Variants in PALLD observed in about 807,000 individuals in gnomAD.
PALLD encodes palladin.
PALLD carries 61 observed loss-of-function variants against 123.5 expected under a neutral mutation model. The observed-to-expected ratio is 0.49, with a 90% CI of 0.40 to 0.61. The LOEUF is 0.61. PALLD is among the 20% of genes least tolerant of loss of function. The pLI is 0.00. For synonymous variants in PALLD, 465 were observed against 496.4 expected (o/e 0.94, Z 0.84); for missense variants, 1,273 against 1,377.0 (o/e 0.92, Z 1.20).
intron 10 of PALLD, among the ~76,000 whole-genome samples, chr4:168,759,954 T>A (rs1312460549): frequency 6.6e-6 from 1 of 151,322 alleles, no homozygotes; most frequent in Non-Finnish European, 1.5e-5. Context: ...CTGGGGAGGC[T>A]GAAGCATGAG....
At chr4:168,854,413 C>T (rs745820002) in intron 10 of PALLD, among the ~76,000 whole-genome samples, 2 of 152,156 alleles carry the variant, frequency 1.3e-5, no homozygotes, top group Non-Finnish European at 2.9e-5. Context: ...AGGAAAAATA[C>T]GTATTGACAA....
intron 10 of PALLD, among the ~76,000 whole-genome samples, chr4:168,845,473 A>G (rs974658246): frequency 2.6e-5 from 4 of 152,224 alleles, no homozygotes; most frequent in African/African-American, 7.2e-5. Context: ...AATACAAGAA[A>G]AAAAGCAATA....
In PALLD at chr4:168,768,490, G is replaced by GC. The variant is rs1199297259; in HGVS notation, c.1964+56568dup. The stretch of plus-strand genomic sequence containing the variant: ...ATATGTTCTATTTAGTAGGTTCAGG[G>GC]CAATTCGTTTCAGAAAAGTTTCTTA... On this transcript the variant is annotated intron_variant, in intron 10 of 21. Coordinates refer to ENST00000505667, the MANE Select transcript of PALLD (RefSeq NM_001166108.2). Among the ~76,000 whole-genome samples the GC allele has an allele frequency of 2.6e-5, 4 of 152,124 alleles. No homozygotes were observed. In the East Asian group the frequency reaches 7.7e-4, roughly 29 times the overall value.
chr4:168,584,958 T>A (rs1240076613), intron 2 of PALLD, among the ~76,000 whole-genome samples: 1 of 152,134 alleles, frequency 6.6e-6, no homozygotes, highest in Non-Finnish European at 1.5e-5. Context: ...TCTAGTAGAG[T>A]TCCCCCCTTT....
chr4:168,880,948 T>C (rs1161379771), intron 10 of PALLD, among the ~76,000 whole-genome samples: 1 of 152,204 alleles, frequency 6.6e-6, no homozygotes, highest in Non-Finnish European at 1.5e-5. Flanking sequence ...TGTTCTGTTG[T>C]CCAGGCTGGA....
intron 2 of PALLD, among the ~76,000 whole-genome samples, chr4:168,532,483 T>A (rs1444377709): frequency 6.6e-6 from 1 of 152,012 alleles, no homozygotes; most frequent in Non-Finnish European, 1.5e-5. Context: ...CTGAGTTATC[T>A]CAAGAAAAAA....
intron 10 of PALLD, among the ~76,000 whole-genome samples, chr4:168,836,202 C>T (rs985520940): frequency 2.0e-5 from 3 of 152,130 alleles, no homozygotes; most frequent in Admixed American, 6.5e-5. Flanking sequence ...ATGTCAGTGC[C>T]GAGTCTCCCT....
At chr4:168,874,689 A>T (rs968891410) in intron 10 of PALLD, among the ~76,000 whole-genome samples, 1 of 151,494 alleles carries the variant, frequency 6.6e-6, no homozygotes, top group Non-Finnish European at 1.5e-5. Context: ...GGGTCCTTTT[A>T]TGTGTTACAT....
intron 2 of PALLD, among the ~76,000 whole-genome samples, chr4:168,601,714 G>A (rs1460479737): frequency 2.0e-5 from 3 of 152,172 alleles, no homozygotes; most frequent in African/African-American, 4.8e-5. Flanking sequence ...ATCAAAGAAA[G>A]CAAAATCTCA....
chr4:168,771,066 A>AT (rs1734349417), intron 10 of PALLD, among the ~76,000 whole-genome samples: 1 of 68,328 alleles, frequency 1.5e-5, no homozygotes, highest in Admixed American at 1.7e-4. Context: ...CCATCTCAAA[A>AT]AAAAAAAAAC....
chr4:168,498,129 T>C (rs960971992), intron 1 of PALLD, among the ~76,000 whole-genome samples: 2 of 152,230 alleles, frequency 1.3e-5, no homozygotes, highest in Admixed American at 6.5e-5. Context: ...TATTCAGATT[T>C]TTTTTTCAGA....
At chr4:168,702,291 C>T (rs1016188511) in intron 8 of PALLD, among the ~76,000 whole-genome samples, 1 of 152,174 alleles carries the variant, frequency 6.6e-6, no homozygotes, top group Admixed American at 6.5e-5. Context: ...TGGCTCACTC[C>T]TGTAATCCCA....
intron 10 of PALLD, among the ~76,000 whole-genome samples, chr4:168,765,604 C>T (rs946024261): frequency 3.9e-5 from 6 of 152,276 alleles, no homozygotes; most frequent in East Asian, 1.9e-4. Flanking sequence ...AACTGGGTTC[C>T]GGTTTTATAA....
At chr4:168,557,837 G>A (rs1020300703) in intron 2 of PALLD, among the ~76,000 whole-genome samples, 3 of 152,104 alleles carry the variant, frequency 2.0e-5, no homozygotes, top group African/African-American at 7.2e-5. Flanking sequence ...CTGTGAGCAG[G>A]GGGATTCCCT....
intron 10 of PALLD, among the ~76,000 whole-genome samples, chr4:168,816,833 TG>T (rs1457472980): frequency 7.8e-6 from 1 of 128,496 alleles, no homozygotes; most frequent in Admixed American, 7.3e-5. Flanking sequence ...TGTGTGTGTG[TG>T]TGTGTGTGTG....
chr4:168,624,727 G>A (rs1470289031), intron 2 of PALLD, among the ~76,000 whole-genome samples: 4 of 152,118 alleles, frequency 2.6e-5, no homozygotes, highest in Non-Finnish European at 5.9e-5. Flanking sequence ...ATATGAGTAA[G>A]ATAGAATGGC....
intron 8 of PALLD, among the ~76,000 whole-genome samples, chr4:168,699,699 G>A (rs999260663): frequency 6.6e-6 from 1 of 152,222 alleles, no homozygotes; most frequent in South Asian, 2.1e-4. Context: ...GAACTTGAAT[G>A]CAATTCAAGG....
At chr4:168,769,753 A>T (rs1476072886) in intron 10 of PALLD, among the ~76,000 whole-genome samples, 1 of 152,218 alleles carries the variant, frequency 6.6e-6, no homozygotes, top group African/African-American at 2.4e-5. Flanking sequence ...AATCTAGAGG[A>T]ACACTCATAA....
At chr4:168,733,962 C>T (rs1309988057) in intron 10 of PALLD, among the ~76,000 whole-genome samples, 1 of 152,186 alleles carries the variant, frequency 6.6e-6, no homozygotes, top group East Asian at 1.9e-4. Context: ...GTCTCGATCT[C>T]CTGACCTCGT....
Sources: gnomAD v4.1 joint callset for allele counts (sites outside exome capture counted in the v4.1 genomes callset) on GRCh38, gnomAD v4.1.1 for gene constraint, MANE v1.5 for transcripts, NCBI Gene and HGNC (gene_info 2026-07-23, HGNC 2026-07-21) for gene names.